The following XXYLT1 variants were observed in gnomAD, a reference collection of about 807,000 sequenced individuals.
XXYLT1 encodes the protein xyloside xylosyltransferase 1.
XXYLT1 carries 20 observed loss-of-function variants against 28.9 expected under a neutral mutation model. That is an observed-to-expected ratio of 0.69 (90% CI 0.49 to 1.00). XXYLT1 has a LOEUF of 1.00. Among genes scored for constraint, XXYLT1 ranks in the 50% least tolerant of loss-of-function variants. The pLI is 0.00. For missense variants in XXYLT1, 542 were observed against 560.1 expected (o/e 0.97, Z 0.33); for synonymous variants, 257 against 253.8 (o/e 1.01, Z -0.12).
intron 2 of XXYLT1, among the ~76,000 whole-genome samples, chr3:195,184,322 G>A (rs1190652888): frequency 2.0e-5 from 3 of 152,306 alleles, no homozygotes; most frequent in African/African-American, 7.2e-5. Flanking sequence ...AAATGTGACT[G>A]GCTTTTAGCC....
intron 1 of XXYLT1, among the ~76,000 whole-genome samples, chr3:195,254,058 A>G (rs555966783): frequency 1.3e-5 from 2 of 151,906 alleles, no homozygotes; most frequent in East Asian, 3.9e-4. Flanking sequence ...GGGTGGGGAG[A>G]TTTCCCTCTC....
chr3:195,180,573 C>G lies in XXYLT1; in HGVS notation c.653-23992G>C. 3.0e-6 allele frequency: 3 copies of G among 984,766 alleles called. No homozygotes were observed. Among genetic ancestry groups the G allele is most frequent in the Non-Finnish European group, 3.6e-6 (3 of 829,312 alleles). The allele number at this position is 984,766 out of a possible 1,614,324, so 61.0% of individuals were successfully genotyped here. ...AGCATCTGAGGCCAGACCCTAAGGC[C>G]CTTCCCAGCCCTCTCCAGAGCGTGA... On this transcript the variant is annotated intron_variant, in intron 2 of 3. Coordinates refer to ENST00000310380, the MANE Select transcript of XXYLT1 (RefSeq NM_152531.5). The surrounding 1 kb of genome is among the most constrained non-coding windows in gnomAD (Gnocchi z 5.8).
chr3:195,108,753 C>G (rs1359784917), intron 3 of XXYLT1, among the ~76,000 whole-genome samples: 4 of 152,148 alleles, frequency 2.6e-5, no homozygotes, highest in Non-Finnish European at 5.9e-5. Context: ...AGAAAAGGTA[C>G]AGTAATAATA....
At chr3:195,161,368 G>T (rs1190129262) in intron 2 of XXYLT1, among the ~76,000 whole-genome samples, 1 of 152,142 alleles carries the variant, frequency 6.6e-6, no homozygotes, top group Non-Finnish European at 1.5e-5. Context: ...CCCTTTTAAA[G>T]TCCTCTTATG....
intron 3 of XXYLT1, among the ~76,000 whole-genome samples, chr3:195,112,829 G>GCA (rs1717845267): frequency 7.2e-6 from 1 of 139,292 alleles, no homozygotes; most frequent in African/African-American, 2.7e-5. Flanking sequence ...CTGAAGCAGC[G>GCA]CACACACGCA....
intron 2 of XXYLT1, 28 bp from the exon 3 acceptor site, chr3:195,156,609 A>C: frequency 1.2e-6 from 2 of 1,612,538 alleles, no homozygotes; most frequent in South Asian, 2.2e-5. Context: ...GGACAATGAG[A>C]CACAGGTACA....
intron 2 of XXYLT1, chr3:195,184,884 T>C (rs1722107929): frequency 1.1e-6 from 1 of 901,678 alleles, no homozygotes; most frequent in South Asian, 5.1e-5. Flanking sequence ...AATGGTAAGT[T>C]TGATCCCCGC....
At chr3:195,174,418 A>G (rs1721557362) in intron 2 of XXYLT1, among the ~76,000 whole-genome samples, 1 of 152,052 alleles carries the variant, frequency 6.6e-6, no homozygotes, top group Non-Finnish European at 1.5e-5. Flanking sequence ...AGCTCACTGC[A>G]GCCTTGATTT....
intron 1 of XXYLT1, among the ~76,000 whole-genome samples, chr3:195,233,599 T>C (rs546076969): frequency 1.6e-4 from 24 of 152,344 alleles, no homozygotes; most frequent in African/African-American, 5.3e-4. Context: ...TAACACTGAT[T>C]ACATAAACAA....
intron 3 of XXYLT1, among the ~76,000 whole-genome samples, chr3:195,126,433 G>T (rs77828774): frequency 0.038 from 5,744 of 152,278 alleles, 185 homozygotes; most frequent in East Asian, 0.16. Context: ...CCAAATATTT[G>T]CTGGGACTGT....
chr3:195,073,369 A>T (rs1265643270), intron 3 of XXYLT1, among the ~76,000 whole-genome samples: 1 of 152,146 alleles, frequency 6.6e-6, no homozygotes, highest in Non-Finnish European at 1.5e-5. Context: ...CTGACAACGT[A>T]TATTCAGGGG....
chr3:195,170,909 G>C (rs1721373701), intron 2 of XXYLT1, among the ~76,000 whole-genome samples: 1 of 152,064 alleles, frequency 6.6e-6, no homozygotes, highest in Non-Finnish European at 1.5e-5. Context: ...AGCCATGAAA[G>C]AGCAGCCTCA....
rs941648383 is a variant in XXYLT1 at position 195,256,576 on chromosome 3, C to T, written c.504+13979G>A. On this transcript the variant is annotated intron_variant, in intron 1 of 3. Coordinates refer to ENST00000310380, the MANE Select transcript of XXYLT1 (RefSeq NM_152531.5). This position sits in a 1 kb window ranked among gnomAD's most constrained non-coding sequence, Gnocchi z 4.2. ...TCCTCACACCCCGCAACTTCTCACC[C>T]GCACATTCAGGATGGGGTCTGGAAA... The T allele has an allele frequency of 8.1e-6, 8 of 985,262 alleles. No individual in the cohort carries two copies. In the Admixed American group the frequency reaches 2.5e-4, roughly 30 times the overall value. The allele number at this position is 985,262 out of a possible 1,614,324, so 61.0% of individuals were successfully genotyped here.
intron 1 of XXYLT1, among the ~76,000 whole-genome samples, chr3:195,266,448 C>G (rs1371710052): frequency 2.0e-5 from 3 of 151,606 alleles, no homozygotes; most frequent in Non-Finnish European, 4.4e-5. Flanking sequence ...GAGCCGAGAC[C>G]GCACCACAGC....
Position 195,093,224 on chromosome 3 carries a change from T to C in XXYLT1, c.786-23113A>G, listed in dbSNP as rs1305755033. 5.3e-4 allele frequency among the ~76,000 whole-genome samples: 49 copies of C among 92,866 alleles called. 1 individual carries two copies. The highest frequency in any genetic ancestry group is 2.1e-3 in the African/African-American group (37 of 17,640). The allele number at this position is 92,866 out of a possible 152,430, so 60.9% of individuals were successfully genotyped here. ...TAAATCATGCTGCTATAAAGACACATGCACACGTATGTTTATTGTGGCATT... is the reference window on the plus strand; with the variant it reads ...TAAATCATGCTGCTATAAAGACACACGCACACGTATGTTTATTGTGGCATT... On this transcript the variant is annotated intron_variant, in intron 3 of 3. Coordinates refer to ENST00000310380, the MANE Select transcript of XXYLT1 (RefSeq NM_152531.5).
chr3:195,131,078 A>T (rs1718882912), intron 3 of XXYLT1, among the ~76,000 whole-genome samples: 1 of 134,256 alleles, frequency 7.4e-6, no homozygotes, highest in Non-Finnish European at 1.6e-5. Flanking sequence ...CTATTCTCAG[A>T]AATGGGACCC....
chr3:195,142,231 T>A (rs1353206674), intron 3 of XXYLT1, among the ~76,000 whole-genome samples: 1 of 152,202 alleles, frequency 6.6e-6, no homozygotes, highest in African/African-American at 2.4e-5. Flanking sequence ...TAGTGCCCCC[T>A]CCCCAACCTT....
chr3:195,123,068 G>A (rs568085688), intron 3 of XXYLT1, among the ~76,000 whole-genome samples: 7 of 152,080 alleles, frequency 4.6e-5, no homozygotes, highest in South Asian at 2.1e-4. Flanking sequence ...GTTCCCATTC[G>A]GCAATGTCAT....
chr3:195,108,575 A>C (rs1167827664), intron 3 of XXYLT1, among the ~76,000 whole-genome samples: 1 of 152,330 alleles, frequency 6.6e-6, no homozygotes, highest in African/African-American at 2.4e-5. Context: ...TTGTGTGAAC[A>C]CACAGAGTGA....
Sources: allele counts gnomAD v4.1 joint callset (sites outside exome capture counted in the v4.1 genomes callset), GRCh38; gene constraint gnomAD v4.1.1; non-coding constraint Gnocchi (gnomAD v3.1); transcripts MANE v1.5; gene names NCBI Gene and HGNC (gene_info 2026-07-23, HGNC 2026-07-21).